Variants in NR0B2 observed in about 807,000 individuals in gnomAD.
NR0B2 encodes nuclear receptor SHP.
NR0B2 carries 17 observed loss-of-function variants against 18.9 expected under a neutral mutation model. The ratio of observed to expected loss-of-function variants is 0.90; its 90% CI spans 0.62 to 1.35. The LOEUF (loss-of-function observed/expected upper bound fraction) is 1.35, where lower values mean the gene tolerates loss of function less well. Ranked by LOEUF, NR0B2 falls within the 40% of genes most tolerant of loss-of-function variation. The pLI, the probability that NR0B2 is intolerant of heterozygous loss-of-function variation, is 0.00. For missense variants in NR0B2, 312 were observed against 333.3 expected (o/e 0.94, Z 0.50); for synonymous variants, 116 against 138.5 (o/e 0.84, Z 1.14).
At chr1:26,912,140 A>G (rs2082031797) in intron 1 of NR0B2, 54 bp from the exon 2 acceptor site, 2 of 1,606,922 alleles carry the variant, frequency 1.2e-6, no homozygotes, top group South Asian at 2.2e-5. Flanking sequence ...CCAGCCACCA[A>G]AGGACAAGAC....
intron 1 of NR0B2, 144 bp downstream of exon 1, chr1:26,913,265 T>A (rs947392102): frequency 6.3e-5 from 49 of 777,568 alleles, no homozygotes; most frequent in Non-Finnish European, 9.6e-5. Context: ...CCAGACTGGG[T>A]GACAGAGTGA....
Position 26,911,900 on chromosome 1 carries a change from A to G in NR0B2, c.719T>C (p.Ile240Thr). Reference sequence around the variant, plus strand: ...GCCAGCGATGTCAACATCTCCAATGATAGGGCGAAAGAAGAGGTCCCCAAG... The same window carrying G: ...GCCAGCGATGTCAACATCTCCAATGGTAGGGCGAAAGAAGAGGTCCCCAAG... ...SLLGDLFFRP[I>T]IGDVDIAGLL... is the part of the protein sequence containing the mutation. Residue 240 changes from isoleucine to threonine, a missense_variant, in exon 2 of 2, where the codon ATC becomes ACC. By Grantham distance (89) the Ile-to-Thr change is moderately conservative. Coordinates refer to ENST00000254227, the MANE Select transcript of NR0B2 (RefSeq NM_021969.3). The G allele has an allele frequency of 6.2e-7, 1 of 1,614,106 alleles. No individual in the cohort carries two copies. Among genetic ancestry groups the G allele is most frequent in the Middle Eastern group, 1.6e-4 (1 of 6,062 alleles).
rs2082029288 is a variant in NR0B2, at chr1:26,911,946, T to A, written c.673A>T (p.Lys225Ter). Reference protein sequence around the residue: ...TRVLLTASTLKSIPTSLLGDL... With the variant: ...TRVLLTASTL Reference sequence around the variant, plus strand: ...CCAAGCAGGCTGGTCGGAATGGACTTGAGGGTGGAGGCCGTGAGGAGGACA... The same window carrying A: ...CCAAGCAGGCTGGTCGGAATGGACTAGAGGGTGGAGGCCGTGAGGAGGACA... Residue 225 changes from lysine to a stop codon, truncating the protein, a stop_gained, in exon 2 of 2, where the codon AAG becomes TAG. Coordinates refer to ENST00000254227, the MANE Select transcript of NR0B2 (RefSeq NM_021969.3). LOFTEE classifies it high-confidence loss of function. 1 of 1,614,032 alleles carries A rather than the reference T, an allele frequency of 6.2e-7. No individual in the cohort carries two copies. The highest frequency in any genetic ancestry group is 1.3e-5 in the African/African-American group (1 of 74,930).
chr1:26,912,738 G>C (rs1026223115), intron 1 of NR0B2, among the ~76,000 whole-genome samples: 1 of 152,128 alleles, frequency 6.6e-6, no homozygotes, highest in Non-Finnish European at 1.5e-5. Context: ...CCACAGAGGA[G>C]TTTTAGCTCT....
Position 26,911,950 on chromosome 1 carries a change from G to A in NR0B2, c.669C>T (p.Thr223=), listed in dbSNP as rs1219016247. 2 of 1,614,252 alleles carry A rather than the reference G, an allele frequency of 1.2e-6. No homozygotes were observed. The highest frequency in any genetic ancestry group is 1.1e-5 in the South Asian group (1 of 91,074). ...GCAGGCTGGTCGGAATGGACTTGAG[G>A]GTGGAGGCCGTGAGGAGGACACGGG... ...RLTRVLLTAS[T]LKSIPTSLLG... Residue 223 remains threonine (T), a synonymous_variant, in exon 2 of 2, where the codon ACC becomes ACT. Transcript: ENST00000254227.
At position 26,913,793 on chromosome 1, in the gene NR0B2, A is replaced by G. The variant is rs777619184; in HGVS notation, c.148T>C (p.Cys50Arg). 38 of 1,539,534 alleles carry G rather than the reference A, an allele frequency of 2.5e-5. No individual in the cohort carries two copies. The highest frequency in any genetic ancestry group is 3.2e-5 in the Non-Finnish European group (37 of 1,142,110). The change falls in exon 1 of 2, where the codon TGT becomes CGT. Residue 50 changes from cysteine (C) to arginine (R), a missense_variant. Transcript: ENST00000254227. ...TCCCGGCAGGTGCGATGAGGTGCAC[A>G]TAGCTGGACGGGCCGGTGCTGCCTA... is the stretch of plus-strand genomic sequence containing the variant. ...LCRQHRPVQL[C>R]APHRTCREAL...
At chr1:26,913,298 A>G in intron 1 of NR0B2, 111 bp downstream of exon 1, 1 of 1,007,758 alleles carries the variant, frequency 9.9e-7, no homozygotes, top group Non-Finnish European at 1.6e-6. Context: ...GAAAAATAAA[A>G]AGAAAATGAG....
Position 26,913,403 on chromosome 1 carries a change from G to C in NR0B2, c.532+6C>G. On this transcript the variant is annotated splice_donor_region_variant and intron_variant, in intron 1 of 1. Transcript: ENST00000254227. Reference sequence around the variant, plus strand: ...GCCCCCCACCCAGGAGTGTCTGGGAGCTCACCGGGGTTGAAGAGGATGGTC... The same window carrying C: ...GCCCCCCACCCAGGAGTGTCTGGGACCTCACCGGGGTTGAAGAGGATGGTC... 1 of 1,613,928 alleles carries C rather than the reference G, an allele frequency of 6.2e-7. No homozygotes were observed.
In NR0B2 at chr1:26,911,750, C is replaced by A. The variant is rs1227599723; in HGVS notation, c.*95G>T. The A allele has an allele frequency of 6.1e-6, 9 of 1,473,564 alleles. No individual in the cohort carries two copies. The highest frequency in any genetic ancestry group is 8.5e-6 in the Non-Finnish European group (9 of 1,057,498). The allele number at this position is 1,473,564 out of a possible 1,614,324, so 91.3% of individuals were successfully genotyped here. On this transcript the variant is annotated 3_prime_UTR_variant, in exon 2 of 2. Transcript: ENST00000254227. ...CCAAGTGCTGTCTATACAGGCTTGC[C>A]CCCTCCAGGAGCATTGGGTCACCTC... is the stretch of plus-strand genomic sequence containing the variant.
intron 1 of NR0B2, 91 bp from the exon 2 acceptor site, chr1:26,912,177 C>T: frequency 7.3e-6 from 11 of 1,511,212 alleles, no homozygotes; most frequent in South Asian, 1.2e-5. Context: ...CCATCAGAGA[C>T]ACCCCTCTGC....
chr1:26,912,075 G>A lies in NR0B2; in HGVS notation c.544C>T (p.Leu182Phe), dbSNP rs750585553. Residue 182 changes from leucine (L) to phenylalanine (F), a missense_variant, in exon 2 of 2, where the codon CTC becomes TTC. Leu to Phe is a conservative substitution (Grantham distance 22). Coordinates refer to ENST00000254227, the MANE Select transcript of NR0B2 (RefSeq NM_021969.3). ...TILFNPDVPG[L>F]QAASHIGHLQ... The stretch of plus-strand genomic sequence containing the variant: ...TGCCCAATGTGGGAGGCGGCTTGGA[G>A]GCCTGGCACATCTGTGGGCAGAGAG... 3 of 1,613,730 alleles carry A rather than the reference G, an allele frequency of 1.9e-6. No homozygotes were observed. Among genetic ancestry groups the A allele is most frequent in the Non-Finnish European group, 2.5e-6 (3 of 1,180,030 alleles).
chr1:26,913,698 G>A lies in NR0B2; in HGVS notation c.243C>T (p.Pro81=), dbSNP rs2082043575. 6.2e-7 allele frequency: 1 copy of A among 1,610,852 alleles called. No individual in the cohort carries two copies. Among genetic ancestry groups the A allele is most frequent in the Non-Finnish European group, 8.5e-7 (1 of 1,177,738 alleles). Reference sequence around the variant, plus strand: ...CCTGCAGCAGCCGCCGCTGGTCCTGGGGAGGCAGCTGCCAGAAGGATGGCA... The same window carrying A: ...CCTGCAGCAGCCGCCGCTGGTCCTGAGGAGGCAGCTGCCAGAAGGATGGCA... ...RNLPSFWQLP[P]QDQRRLLQGC... is the part of the protein sequence containing the mutation. Residue 81 remains proline (P), a synonymous_variant, in exon 1 of 2, where the codon CCC becomes CCT. Coordinates refer to ENST00000254227, the MANE Select transcript of NR0B2 (RefSeq NM_021969.3).
Position 26,913,664 on chromosome 1 carries a change from C to T in NR0B2, c.277G>A (p.Gly93Ser), listed in dbSNP as rs909954823. 15 of 1,613,532 alleles carry T rather than the reference C, an allele frequency of 9.3e-6. No individual in the cohort carries two copies. The highest frequency in any genetic ancestry group is 3.3e-4 in the Middle Eastern group (2 of 6,070). ...DQRRLLQGCW[G>S]PLFLLGLAQD... is the part of the protein sequence containing the mutation. ...GCCAACCCAAGCAGGAAGAGGGGGCCCCAGCAACCCTGCAGCAGCCGCCGC... is the reference window on the plus strand; with the variant it reads ...GCCAACCCAAGCAGGAAGAGGGGGCTCCAGCAACCCTGCAGCAGCCGCCGC... The change falls in exon 1 of 2, where the codon GGC (glycine) becomes AGC (serine). Residue 93 changes from glycine (G) to serine (S), a missense_variant. By Grantham distance (56) the Gly-to-Ser change is moderately conservative. Transcript: ENST00000254227.
At chr1:26,913,379 C>G (rs770099275) in intron 1 of NR0B2, 30 bp downstream of exon 1, 2 of 1,609,616 alleles carry the variant, frequency 1.2e-6, no homozygotes, top group Admixed American at 3.3e-5. Flanking sequence ...TTCAGCCTTG[C>G]CCCCCACCCA....
At position 26,912,079 on chromosome 1, in the gene NR0B2, T is replaced by G. The variant is rs2082030830; in HGVS notation, c.540A>C (p.Pro180=). ...KGTILFNPDV[P]GLQAASHIGH... ...CAATGTGGGAGGCGGCTTGGAGGCCTGGCACATCTGTGGGCAGAGAGGGAG... is the reference window on the plus strand; with the variant it reads ...CAATGTGGGAGGCGGCTTGGAGGCCGGGCACATCTGTGGGCAGAGAGGGAG... The change falls in exon 2 of 2, where the codon CCA becomes CCC. Residue 180 remains proline, a synonymous_variant. Transcript: ENST00000254227. The G allele has an allele frequency of 6.2e-7, 1 of 1,613,488 alleles. No individual in the cohort carries two copies. Among genetic ancestry groups the G allele is most frequent in the African/African-American group, 1.3e-5 (1 of 74,896 alleles).
In NR0B2 at chr1:26,911,692, G is replaced by T. The variant is rs1557666271; in HGVS notation, c.*153C>A. The T allele has an allele frequency of 1.2e-6, 1 of 860,088 alleles. No homozygotes were observed. Among genetic ancestry groups the T allele is most frequent in the East Asian group, 2.7e-5 (1 of 37,166 alleles). 53.3% of individuals were successfully genotyped at this position (860,088 alleles called of 1,614,324 possible). A position where few individuals can be genotyped will look rare whatever the true frequency, so the allele number is the denominator to read the frequency against. On this transcript the variant is annotated 3_prime_UTR_variant, in exon 2 of 2. Transcript: ENST00000254227. ...TCCAAACCAAGGAAGTCCAATGTGGGGTGTGGCTGAGTGAAGAGCTGTTCC... is the reference window on the plus strand; with the variant it reads ...TCCAAACCAAGGAAGTCCAATGTGGTGTGTGGCTGAGTGAAGAGCTGTTCC...
chr1:26,912,150 C>T, intron 1 of NR0B2, 64 bp from the exon 2 acceptor site: 1 of 1,599,896 alleles, frequency 6.3e-7, no homozygotes, highest in African/African-American at 1.3e-5. Context: ...AAGGACAAGA[C>T]TGGCCCAAGA....
chr1:26,913,791 A>G lies in NR0B2; in HGVS notation c.150T>C (p.Cys50=). The change falls in exon 1 of 2, where the codon TGT becomes TGC. Residue 50 remains cysteine, a synonymous_variant. Transcript: ENST00000254227. ...CCTCCCGGCAGGTGCGATGAGGTGCACATAGCTGGACGGGCCGGTGCTGCC... is the reference window on the plus strand; with the variant it reads ...CCTCCCGGCAGGTGCGATGAGGTGCGCATAGCTGGACGGGCCGGTGCTGCC... ...LCRQHRPVQL[C]APHRTCREAL... The G allele has an allele frequency of 6.5e-7, 1 of 1,539,678 alleles. No homozygotes were observed. Among genetic ancestry groups the G allele is most frequent in the Non-Finnish European group, 8.8e-7 (1 of 1,142,204 alleles).
rs190513279 is a variant in NR0B2, at chr1:26,913,608, C to T, written c.333G>A (p.Glu111=). ...AQDAVTFEVA[E]APVPSILKKI... ...TCTTGAGTATGCTGGGCACCGGGGC[C>T]TCAGCCACCTCAAAGGTCACAGCAT... The change falls in exon 1 of 2, where the codon GAG becomes GAA. Residue 111 remains glutamate, a synonymous_variant. Coordinates refer to ENST00000254227, the MANE Select transcript of NR0B2 (RefSeq NM_021969.3). 2 of 1,614,074 alleles carry T rather than the reference C, an allele frequency of 1.2e-6. No homozygotes were observed. Among genetic ancestry groups the T allele is most frequent in the East Asian group, 2.2e-5 (1 of 44,870 alleles).
Sources: allele counts gnomAD v4.1 joint callset (sites outside exome capture counted in the v4.1 genomes callset), GRCh38; gene constraint gnomAD v4.1.1; transcripts MANE v1.5; gene names NCBI Gene and HGNC (gene_info 2026-07-23, HGNC 2026-07-21).